The following TUT1 variants were observed in gnomAD, a reference collection of about 807,000 sequenced individuals.
TUT1 encodes the protein speckle targeted PIP5K1A-regulated poly(A) polymerase.
Under a neutral mutation model 48.8 loss-of-function variants are expected in TUT1, and 26 were observed. That is an observed-to-expected ratio of 0.53 (90% CI 0.39 to 0.74). TUT1 has a LOEUF of 0.74. Ranked by LOEUF, TUT1 falls within the 30% of genes least tolerant of loss-of-function variation. TUT1 has a pLI of 0.00. For missense variants in TUT1, 1,065 were observed against 1,114.8 expected (o/e 0.96, Z 0.64); for synonymous variants, 470 against 460.8 (o/e 1.02, Z -0.26).
chr11:62,577,229 G>A lies in TUT1; in HGVS notation c.1223C>T (p.Pro408Leu), dbSNP rs750993909. 6.2e-7 allele frequency: 1 copy of A among 1,611,296 alleles called. No individual in the cohort carries two copies. Among genetic ancestry groups the A allele is most frequent in the Non-Finnish European group, 8.5e-7 (1 of 1,179,172 alleles). ...CCAGCAGCGGAGGGTGTACACGAGG[G>A]GCCGGACTCGACCATCCAGCTCAGA... is the stretch of plus-strand genomic sequence containing the variant. ...LCSELDGRVR[P>L]LVYTLRCWAQ... The change falls in exon 6 of 9, where the codon CCC (proline) becomes CTC (leucine). Residue 408 changes from proline (P) to leucine (L), a missense_variant. Physicochemically the swap from Pro to Leu is moderately conservative, Grantham distance 98. Transcript: ENST00000476907.
In TUT1 at chr11:62,575,626, T is replaced by C; in HGVS notation, c.2093A>G (p.Glu698Gly). The C allele has an allele frequency of 1.2e-6, 2 of 1,614,096 alleles. No homozygotes were observed. Among genetic ancestry groups the C allele is most frequent in the Non-Finnish European group, 1.7e-6 (2 of 1,180,012 alleles). ...CTGCATGGCCCAGTCCTGCACCATCTCTCCAACCTCTATAACCATCTCTTC... is the reference window on the plus strand; with the variant it reads ...CTGCATGGCCCAGTCCTGCACCATCCCTCCAACCTCTATAACCATCTCTTC... ...RVEEMVIEVG[E>G]MVQDWAMQSP... is the part of the protein sequence containing the mutation. The change falls in exon 9 of 9, where the codon GAG (glutamate) becomes GGG (glycine). Residue 698 changes from glutamate to glycine, a missense_variant. Physicochemically the swap from Glu to Gly is moderately conservative, Grantham distance 98 (BLOSUM62 -2). Transcript: ENST00000476907.
Position 62,576,745 on chromosome 11 carries a change from C to G in TUT1, c.1386G>C (p.Glu462Asp), listed in dbSNP as rs558437450. 1.2e-6 allele frequency: 2 copies of G among 1,614,164 alleles called. No individual in the cohort carries two copies. Among genetic ancestry groups the G allele is most frequent in the African/African-American group, 1.3e-5 (1 of 75,038 alleles). The change falls in exon 8 of 9, where the codon GAG becomes GAC. Residue 462 changes from glutamate to aspartate, a missense_variant. Physicochemically the swap from Glu to Asp is conservative, Grantham distance 45 (BLOSUM62 2). Transcript: ENST00000476907. Reference protein sequence around the residue: ...TVSQLTQKAGEGEQVEVDGWD... With the variant: ...TVSQLTQKAGDGEQVEVDGWD... Reference sequence around the variant, plus strand: ...AGCCATCGACTTCCACCTGTTCCCCCTCTCCTGTGAAAGTAAATAAGGTGA... The same window carrying G: ...AGCCATCGACTTCCACCTGTTCCCCGTCTCCTGTGAAAGTAAATAAGGTGA...
rs777252459 is a variant in TUT1 at position 62,575,197 on chromosome 11, C to T, written c.2522G>A (p.Arg841Gln). The change falls in exon 9 of 9, where the codon CGA becomes CAA. Residue 841 changes from arginine to glutamine, a missense_variant. Coordinates refer to ENST00000476907, the MANE Select transcript of TUT1 (RefSeq NM_022830.3). ...SFVASVSPAD[R>Q]MLTVTPLQDP... ...CTGGAGCGGGGTCACAGTGAGCATT[C>T]GGTCAGCCGGGGAGACAGACGCCAC... The T allele has an allele frequency of 3.2e-5, 52 of 1,612,098 alleles. No homozygotes were observed. In the South Asian group the frequency reaches 4.9e-4, roughly 15 times the overall value.
Position 62,578,860 on chromosome 11 carries a change from G to A in TUT1, c.861C>T (p.Pro287=). The A allele has an allele frequency of 1.2e-6, 2 of 1,612,500 alleles. No homozygotes were observed. Among genetic ancestry groups the A allele is most frequent in the Middle Eastern group, 1.7e-4 (1 of 6,050 alleles). The change falls in exon 5 of 9, where the codon CCC becomes CCT. Residue 287 remains proline (P), a synonymous_variant. Coordinates refer to ENST00000476907, the MANE Select transcript of TUT1 (RefSeq NM_022830.3). The part of the protein sequence containing the change: ...DFETPSSSLA[P]QTPDSALASE... ...AGGCCAAGGCAGAGTCCGGAGTTTG[G>A]GGCGCCAGGGAGGAGGAAGGGGTTT...
chr11:62,578,750 G>A lies in TUT1; in HGVS notation c.971C>T (p.Ser324Leu), dbSNP rs374261452. Reference protein sequence around the residue: ...DREEGDLGKASELAETPKEEK... With the variant: ...DREEGDLGKALELAETPKEEK... ...CTCCTTTGGGGTCTCTGCTAGTTCC[G>A]AGGCCTTCCCCAGGTCCCCCTCTTC... Residue 324 changes from serine to leucine, a missense_variant, in exon 5 of 9, where the codon TCG (serine) becomes TTG (leucine). Physicochemically the swap from Ser to Leu is moderately radical, Grantham distance 145. Transcript: ENST00000476907. 2.0e-5 allele frequency: 32 copies of A among 1,613,972 alleles called. No homozygotes were observed. The African/African-American group carries it at 2.4e-4, about 12-fold the overall frequency.
At chr11:62,576,397 C>CTG in intron 8 of TUT1, 153 bp from the exon 9 acceptor site, 1 of 1,017,338 alleles carries the variant, frequency 9.8e-7, no homozygotes, top group Admixed American at 2.9e-5. Flanking sequence ...TCCCTATAAA[C>CTG]AAGAGGTCAA....
Position 62,589,013 on chromosome 11 carries a change from G to A in TUT1, c.273+18C>T, listed in dbSNP as rs12277961. Reference sequence around the variant, plus strand: ...CCAGCACTGATTCATTCTTTAACCCGAGAGCCATTCACTTTACCTTGTCCT... The same window carrying A: ...CCAGCACTGATTCATTCTTTAACCCAAGAGCCATTCACTTTACCTTGTCCT... On this transcript the variant is annotated intron_variant, in intron 2 of 8. Coordinates refer to ENST00000476907, the MANE Select transcript of TUT1 (RefSeq NM_022830.3). The A allele has an allele frequency of 2.0e-4, 314 of 1,607,326 alleles. 3 individuals are homozygous for A. The African/African-American group carries it at 3.6e-3, about 18-fold the overall frequency.
chr11:62,580,798 G>T (rs779144982), intron 4 of TUT1, among the ~76,000 whole-genome samples: 1 of 151,456 alleles, frequency 6.6e-6, no homozygotes, highest in Non-Finnish European at 1.5e-5. Flanking sequence ...GTAGAGATGG[G>T]GGTTTCACTA....
intron 5 of TUT1, among the ~76,000 whole-genome samples, chr11:62,578,242 A>T (rs534811945): frequency 6.6e-6 from 1 of 151,622 alleles, no homozygotes; most frequent in Admixed American, 6.6e-5. Flanking sequence ...CCCATCCCAG[A>T]ATTCTCAGCT....
chr11:62,578,651 C>G lies in TUT1; in HGVS notation c.1070G>C (p.Arg357Pro). Residue 357 changes from arginine (R) to proline (P), a missense_variant, in exon 5 of 9, where the codon CGA (arginine) becomes CCA (proline). By Grantham distance (103) the Arg-to-Pro change is moderately radical. Transcript: ENST00000476907. ...ILRGCVPGVY[R>P]VQTVPSARRP... ...CCGGGCAGAGGGCACAGTTTGGACT[C>G]GATACACCCCAGGGACACAGCCCCG... The G allele has an allele frequency of 3.1e-6, 5 of 1,614,190 alleles. No individual in the cohort carries two copies. The highest frequency in any genetic ancestry group is 4.2e-6 in the Non-Finnish European group (5 of 1,180,034).
intron 2 of TUT1, among the ~76,000 whole-genome samples, chr11:62,583,772 A>G (rs968967188): frequency 6.6e-6 from 1 of 152,234 alleles, no homozygotes; most frequent in Non-Finnish European, 1.5e-5. Flanking sequence ...AAAGATAGAC[A>G]TTCAGATGAA....
intron 5 of TUT1, among the ~76,000 whole-genome samples, chr11:62,578,030 C>T (rs1165454107): frequency 2.8e-5 from 4 of 141,666 alleles, no homozygotes; most frequent in Non-Finnish European, 3.0e-5. Flanking sequence ...CATTGCACTC[C>T]AGCCTGGGCA....
At position 62,576,726 on chromosome 11, in the gene TUT1, C is replaced by G. The variant is rs768206461; in HGVS notation, c.1405G>C (p.Asp469His). ...KAGEGEQVEV[D>H]GWDCSFPRDA... The stretch of plus-strand genomic sequence containing the variant: ...CTGGGGAAACTGCAGTCCCAGCCAT[C>G]GACTTCCACCTGTTCCCCCTCTCCT... The change falls in exon 8 of 9, where the codon GAT (aspartate) becomes CAT (histidine). Residue 469 changes from aspartate to histidine, a missense_variant. Physicochemically the swap from Asp to His is moderately conservative, Grantham distance 81. Coordinates refer to ENST00000476907, the MANE Select transcript of TUT1 (RefSeq NM_022830.3). 1.1e-5 allele frequency: 18 copies of G among 1,614,048 alleles called. No homozygotes were observed. Among genetic ancestry groups the G allele is most frequent in the Non-Finnish European group, 1.5e-5 (18 of 1,180,030 alleles).
Position 62,575,434 on chromosome 11 carries a change from G to T in TUT1, c.2285C>A (p.Ser762Tyr), listed in dbSNP as rs774621274. Residue 762 changes from serine (S) to tyrosine (Y), a missense_variant, in exon 9 of 9, where the codon TCC becomes TAC. Transcript: ENST00000476907. ...GEAGKGASLPSSASWRCALWH... is the reference protein window; with the variant it reads ...GEAGKGASLPYSASWRCALWH... The stretch of plus-strand genomic sequence containing the variant: ...CAAGGCACAGCGCCAGCTCGCTGAG[G>T]AGGGCAGGGATGCCCCCTTCCCTGC... 1.6e-4 allele frequency: 265 copies of T among 1,611,146 alleles called. No homozygotes were observed. The highest frequency in any genetic ancestry group is 2.2e-4 in the Non-Finnish European group (259 of 1,179,996).
rs201318162 is a variant in TUT1 at position 62,575,217 on chromosome 11, C to T, written c.2502G>A (p.Ala834=). 16 of 1,613,294 alleles carry T rather than the reference C, an allele frequency of 9.9e-6. No homozygotes were observed. The highest frequency in any genetic ancestry group is 1.3e-5 in the Non-Finnish European group (15 of 1,179,248). Residue 834 remains alanine (A), a synonymous_variant, in exon 9 of 9, where the codon GCG becomes GCA. Coordinates refer to ENST00000476907, the MANE Select transcript of TUT1 (RefSeq NM_022830.3). ...GCATTCGGTCAGCCGGGGAGACAGA[C>T]GCCACAAAGCTCAGCAGGGGCTCAG... ...PETEPLLSFV[A]SVSPADRMLT...
Position 62,581,588 on chromosome 11 carries a change from C to T in TUT1, c.387G>A (p.Lys129=). The T allele has an allele frequency of 6.2e-7, 1 of 1,607,526 alleles. No homozygotes were observed. The highest frequency in any genetic ancestry group is 8.5e-7 in the Non-Finnish European group (1 of 1,176,330). ...ATTTGGAGGCCGGGCTCTGGAACTC[C>T]TTCTGCTCCCGTGGGCGGACACGCA... The part of the protein sequence containing the change: ...HRLRVRPREQ[K]EFQSPASKSP... Residue 129 remains lysine (K), a synonymous_variant, in exon 3 of 9, where the codon AAG becomes AAA. Coordinates refer to ENST00000476907, the MANE Select transcript of TUT1 (RefSeq NM_022830.3).
intron 3 of TUT1, 64 bp from the exon 4 acceptor site, chr11:62,581,270 C>T: frequency 3.2e-6 from 5 of 1,581,052 alleles, no homozygotes; most frequent in Non-Finnish European, 4.3e-6. Context: ...AAGAACAAAA[C>T]AGAGCACAAA....
intron 4 of TUT1, among the ~76,000 whole-genome samples, chr11:62,580,352 TG>T (rs931201798): frequency 2.6e-5 from 4 of 151,188 alleles, no homozygotes; most frequent in African/African-American, 9.7e-5. Flanking sequence ...CCGAGCTACT[TG>T]GGAGGCTGAG....
At chr11:62,591,239 TC>T in intron 1 of TUT1, 164 bp downstream of exon 1, 1 of 928,930 alleles carries the variant, frequency 1.1e-6, no homozygotes, top group Non-Finnish European at 1.3e-6. Context: ...GGTGGAACTT[TC>T]CCGACTCTCC....
Sources: allele counts gnomAD v4.1 joint callset (sites outside exome capture counted in the v4.1 genomes callset), GRCh38; gene constraint gnomAD v4.1.1; transcripts MANE v1.5; gene names NCBI Gene and HGNC (gene_info 2026-07-23, HGNC 2026-07-21).